The following ANKDD1A variants were observed in gnomAD, a reference collection of about 807,000 sequenced individuals.
ANKDD1A encodes ankyrin repeat and death domain containing 1A.
A neutral mutation model predicts 63.5 loss-of-function variants in ANKDD1A; 59 were observed. That is an observed-to-expected ratio of 0.93 (90% CI 0.75 to 1.15). The LOEUF (loss-of-function observed/expected upper bound fraction) is 1.15. Among genes scored for constraint, ANKDD1A ranks in the 50% most tolerant of loss-of-function variants. ANKDD1A has a pLI of 0.00. For synonymous variants in ANKDD1A, 266 were observed against 263.9 expected, an observed-to-expected ratio of 1.01 and a Z score of -0.08; for missense variants, 632 against 656.4, an observed-to-expected ratio of 0.96 and a Z score of 0.41.
At chr15:64,915,419 G>A (rs974404218) in intron 1 of ANKDD1A, among the ~76,000 whole-genome samples, 11 of 152,216 alleles carry the variant, frequency 7.2e-5, no homozygotes, top group Admixed American at 2.6e-4. Context: ...AGACTGAGCC[G>A]TGGAAAAGAT....
chr15:64,953,086 C>T (rs539214831), intron 14 of ANKDD1A, among the ~76,000 whole-genome samples: 6 of 142,320 alleles, frequency 4.2e-5, no homozygotes, highest in Non-Finnish European at 9.1e-5. Flanking sequence ...TCTTCTTCTT[C>T]CTTCTTATAC....
At chr15:64,951,637 C>T (rs1280386214) in intron 14 of ANKDD1A, among the ~76,000 whole-genome samples, 1 of 135,214 alleles carries the variant, frequency 7.4e-6, no homozygotes, top group Non-Finnish European at 1.6e-5. Context: ...TTCTTTTCTT[C>T]TTCTATCTTC....
rs1169901672 is a variant in ANKDD1A, at chr15:64,917,439, G to A, written c.192G>A (p.Val64=). The change falls in exon 3 of 15, where the codon GTG becomes GTA. Residue 64 remains valine, a synonymous_variant. Transcript: ENST00000319580. ...CAGGTGCAGGGCACGAGCAGGCTGT[G>A]CGTCTGCTTCTGGAGCACGAGGCTG... is the stretch of plus-strand genomic sequence containing the variant. ...WAAGAGHEQA[V]RLLLEHEAAV... is the part of the protein sequence containing the mutation. The A allele has an allele frequency of 1.2e-6, 2 of 1,610,296 alleles. No homozygotes were observed. The highest frequency in any genetic ancestry group is 2.7e-5 in the African/African-American group (2 of 74,888).
chr15:64,951,061 G>A, intron 14 of ANKDD1A: 2 of 1,230,460 alleles, frequency 1.6e-6, no homozygotes, highest in Non-Finnish European at 2.1e-6. Context: ...AGCGTGTGGA[G>A]CCACCTGAAC....
chr15:64,954,865 C>T (rs200144208), intron 14 of ANKDD1A, among the ~76,000 whole-genome samples: 29 of 146,482 alleles, frequency 2.0e-4, no homozygotes, highest in Admixed American at 4.2e-4. Context: ...TCTTTCTTCT[C>T]CTTTTCTTCT....
intron 14 of ANKDD1A, among the ~76,000 whole-genome samples, chr15:64,954,451 TTCTTCC>T (rs2085386209): frequency 7.4e-6 from 1 of 135,464 alleles, no homozygotes; most frequent in African/African-American, 2.6e-5. Flanking sequence ...CTCCTTCTTC[TTCTTCC>T]CTCTTCTCCT....
In ANKDD1A at chr15:64,958,152, C is replaced by CA. The variant is rs2085436437; in HGVS notation, c.*966dup. 1 of 152,190 alleles carries CA rather than the reference C, an allele frequency of 6.6e-6. No individual in the cohort carries two copies. Among genetic ancestry groups the CA allele is most frequent in the South Asian group, 2.1e-4 (1 of 4,830 alleles). The allele number at this position is 152,190 out of a possible 1,614,324, so 9.4% of individuals were successfully genotyped here. A position where few individuals can be genotyped will look rare whatever the true frequency, so the allele number is the denominator to read the frequency against. Reference sequence around the variant, plus strand: ...AAAGATCAGTGATTTCCAGGAGCTGCAAGGGCAGTGAGAGGAAGGGAGGGA... The same window carrying CA: ...AAAGATCAGTGATTTCCAGGAGCTGCAAAGGGCAGTGAGAGGAAGGGAGGGA... On this transcript the variant is annotated 3_prime_UTR_variant, in exon 15 of 15. Transcript: ENST00000319580.
rs1031244468 is a variant in ANKDD1A, at chr15:64,911,942, G to C, written c.12G>C (p.Glu4Asp). The change falls in exon 1 of 15, where the codon GAG becomes GAC. Residue 4 changes from glutamate to aspartate, a missense_variant. Glu to Asp is a conservative substitution (Grantham distance 45). Coordinates refer to ENST00000319580, the MANE Select transcript of ANKDD1A (RefSeq NM_182703.6). ...TGCGGAGCGGCAGGATGCAGGAGGA[G>C]CTGGCGTGGGAGACCGACGGCCGTG... is the stretch of plus-strand genomic sequence containing the variant. MQE[E>D]LAWETDGLLP... 1.1e-5 allele frequency: 13 copies of C among 1,235,166 alleles called. No homozygotes were observed. Among genetic ancestry groups the C allele is most frequent in the African/African-American group, 1.6e-5 (1 of 64,024 alleles). The allele number at this position is 1,235,166 out of a possible 1,614,324, so 76.5% of individuals were successfully genotyped here. A position where few individuals can be genotyped will look rare whatever the true frequency, so the allele number is the denominator to read the frequency against.
At chr15:64,950,004 G>A (rs1190824258) in intron 14 of ANKDD1A, 32 bp downstream of exon 14, 1 of 1,599,852 alleles carries the variant, frequency 6.3e-7, no homozygotes, top group African/African-American at 1.3e-5. Context: ...CTGCTTCTCA[G>A]GAGCTGGGTG....
At chr15:64,942,663 G>T in intron 10 of ANKDD1A, 98 bp downstream of exon 10, 8 of 687,644 alleles carry the variant, frequency 1.2e-5, no homozygotes, top group Non-Finnish European at 1.8e-5. Flanking sequence ...GCCCAGAGTT[G>T]AGGAATCACT....
At chr15:64,944,027 G>A (rs954104285) in intron 11 of ANKDD1A, among the ~76,000 whole-genome samples, 1 of 152,202 alleles carries the variant, frequency 6.6e-6, no homozygotes, top group Non-Finnish European at 1.5e-5. Context: ...GAGGCTGGGA[G>A]GTCACAGGTG....
intron 14 of ANKDD1A, among the ~76,000 whole-genome samples, chr15:64,952,616 CTCCTTCTTCGTCTTTTCTTTCTTCTT>C: frequency 8.1e-5 from 5 of 61,436 alleles, no homozygotes; most frequent in African/African-American, 1.1e-4. Flanking sequence ...TCTTCCTCCT[CTCCTTCTTCGTCTTTTCTTTCTTCTT>C]CTCCTTCTCC....
chr15:64,924,574 G>T (rs1025633199), intron 4 of ANKDD1A, among the ~76,000 whole-genome samples: 2 of 152,188 alleles, frequency 1.3e-5, no homozygotes, highest in Admixed American at 1.3e-4. Flanking sequence ...TTCTCCTTTC[G>T]CTGCTGTTTA....
Position 64,921,920 on chromosome 15 carries a change from G to C in ANKDD1A, c.268-1G>C. 6.2e-7 allele frequency: 1 copy of C among 1,614,038 alleles called. No individual in the cohort carries two copies. The highest frequency in any genetic ancestry group is 1.7e-5 in the Admixed American group (1 of 60,020). On this transcript the variant is annotated splice_acceptor_variant, in intron 3 of 14. Transcript: ENST00000319580. LOFTEE classifies it high-confidence loss of function. Reference sequence around the variant, plus strand: ...CACCTCCTCTATGTCCTCTCCCCTAGTTTGGGATGAATGCGCTTCTCCTGT... The same window carrying C: ...CACCTCCTCTATGTCCTCTCCCCTACTTTGGGATGAATGCGCTTCTCCTGT...
rs147306053 is a variant in ANKDD1A at position 64,942,720 on chromosome 15, T to A, written c.966+155T>A. Among the ~76,000 whole-genome samples, 1,401 of 151,814 alleles carry A rather than the reference T, an allele frequency of 9.2e-3. 37 individuals carry two copies. The highest frequency in any genetic ancestry group is 0.033 in the African/African-American group (1,368 of 41,322). On this transcript the variant is annotated intron_variant, in intron 10 of 14. Transcript: ENST00000319580. Reference sequence around the variant, plus strand: ...TTTAGAAAGTAATCTAAATAGTTGCTGAAGGGAATATCATTTTGTTCATCA... The same window carrying A: ...TTTAGAAAGTAATCTAAATAGTTGCAGAAGGGAATATCATTTTGTTCATCA...
At chr15:64,953,800 TCC>T (rs1182171639) in intron 14 of ANKDD1A, among the ~76,000 whole-genome samples, 75 of 131,742 alleles carry the variant, frequency 5.7e-4, no homozygotes, top group African/African-American at 2.0e-3. Flanking sequence ...GCTTTCTTCT[TCC>T]TTTTTTTCTT....
intron 9 of ANKDD1A, among the ~76,000 whole-genome samples, chr15:64,940,750 T>C (rs1410918399): frequency 6.8e-6 from 1 of 147,216 alleles, no homozygotes; most frequent in Non-Finnish European, 1.5e-5. Context: ...GACAGACAGA[T>C]TTTTTAGAGA....
At chr15:64,915,640 C>T (rs2084963224) in intron 1 of ANKDD1A, among the ~76,000 whole-genome samples, 157 bp from the exon 2 acceptor site, 1 of 152,100 alleles carries the variant, frequency 6.6e-6, no homozygotes, top group Non-Finnish European at 1.5e-5. Flanking sequence ...AGGACCCTGA[C>T]CTTGAGAGGG....
chr15:64,944,805 G>T, intron 12 of ANKDD1A, 58 bp downstream of exon 12: 1 of 1,577,632 alleles, frequency 6.3e-7, no homozygotes, highest in Non-Finnish European at 8.7e-7. Context: ...TTTGGCTCCA[G>T]ATGGAGCTGG....
Sources: gnomAD v4.1 joint callset for allele counts (sites outside exome capture counted in the v4.1 genomes callset) on GRCh38, gnomAD v4.1.1 for gene constraint, MANE v1.5 for transcripts, NCBI Gene and HGNC (gene_info 2026-07-23, HGNC 2026-07-21) for gene names.